Variants in FOXP2 observed in about 807,000 individuals in gnomAD.
FOXP2 encodes forkhead box P2.
Under a neutral mutation model 115.8 loss-of-function variants are expected in FOXP2, and 12 were observed. The ratio of observed to expected loss-of-function variants is 0.10; its 90% confidence interval spans 0.07 to 0.17. FOXP2 has a LOEUF of 0.17. Among genes scored for constraint, FOXP2 ranks in the 10% least tolerant of loss-of-function variants. The pLI is 1.00. For missense variants in FOXP2, 629 were observed against 843.5 expected (o/e 0.75, Z 3.15); for synonymous variants, 328 against 297.7 (o/e 1.10, Z -1.05).
intron 1 of FOXP2, among the ~76,000 whole-genome samples, chr7:114,119,820 A>AT (rs1315516030): frequency 2.0e-5 from 3 of 152,160 alleles, no homozygotes; most frequent in Non-Finnish European, 2.9e-5. Context: ...CTTTTAAAAC[A>AT]TTGATATGCT....
chr7:114,481,499 G>A (rs551057190), intron 2 of FOXP2, among the ~76,000 whole-genome samples: 1 of 151,350 alleles, frequency 6.6e-6, no homozygotes, highest in South Asian at 2.1e-4. Flanking sequence ...GGTTAAAATA[G>A]CTTCTGCTAG....
At chr7:114,583,471 C>G (rs916206262) in intron 3 of FOXP2, among the ~76,000 whole-genome samples, 3 of 152,118 alleles carry the variant, frequency 2.0e-5, no homozygotes, top group Admixed American at 2.0e-4. Flanking sequence ...TTCTAACCAG[C>G]TCCACCCAAG....
chr7:114,663,812 T>C (rs752018525), intron 15 of FOXP2, among the ~76,000 whole-genome samples: 3 of 152,174 alleles, frequency 2.0e-5, no homozygotes, highest in Admixed American at 6.6e-5. Flanking sequence ...TTATCCAGGC[T>C]GTCATAAATG....
intron 3 of FOXP2, among the ~76,000 whole-genome samples, chr7:114,582,231 T>C (rs1398459069): frequency 2.6e-5 from 4 of 152,162 alleles, no homozygotes; most frequent in Admixed American, 6.6e-5. Flanking sequence ...CCCACTTTCA[T>C]CTGAATTGGG....
intron 3 of FOXP2, among the ~76,000 whole-genome samples, chr7:114,560,627 C>CA (rs530401433): frequency 2.1e-4 from 31 of 150,478 alleles, no homozygotes; most frequent in Non-Finnish European, 3.5e-4. Context: ...CCGCCTCCGC[C>CA]AAAAAAAAGA....
intron 2 of FOXP2, among the ~76,000 whole-genome samples, chr7:114,318,939 T>C (rs536324144): frequency 9.5e-4 from 144 of 152,226 alleles, no homozygotes; most frequent in African/African-American, 3.3e-3. Flanking sequence ...ATTCCAGTAA[T>C]AGGAAAACAA....
At chr7:114,498,756 C>T (rs186619994) in intron 2 of FOXP2, 1 of 677,710 alleles carries the variant, frequency 1.5e-6, no homozygotes, top group East Asian at 2.7e-5. Flanking sequence ...TCAGCAGCAT[C>T]TTATTTAATT....
chr7:114,586,022 G>T (rs1490078523), intron 3 of FOXP2, among the ~76,000 whole-genome samples: 1 of 152,114 alleles, frequency 6.6e-6, no homozygotes, highest in East Asian at 1.9e-4. Context: ...GTGTGTGTGT[G>T]TAGTGTGTAG....
At chr7:114,336,086 T>C (rs944201471) in intron 2 of FOXP2, among the ~76,000 whole-genome samples, 3 of 151,706 alleles carry the variant, frequency 2.0e-5, no homozygotes, top group Non-Finnish European at 4.4e-5. Context: ...GATGCCCCTC[T>C]AGTGATGTTA....
At chr7:114,334,640 A>AG (rs1797797005) in intron 2 of FOXP2, among the ~76,000 whole-genome samples, 1 of 95,318 alleles carries the variant, frequency 1.0e-5, no homozygotes, top group Non-Finnish European at 2.4e-5. Flanking sequence ...AAAAAGAAGA[A>AG]GGAAAAAAAA....
rs756945510 is a variant in FOXP2 at position 114,690,579 on chromosome 7, A to T, written c.*653A>T. The T allele has an allele frequency of 2.2e-6, 1 of 454,122 alleles. No individual in the cohort carries two copies. Among genetic ancestry groups the T allele is most frequent in the South Asian group, 1.6e-5 (1 of 64,480 alleles). The allele number at this position is 454,122 out of a possible 1,614,324, so 28.1% of individuals were successfully genotyped here. On this transcript the variant is annotated 3_prime_UTR_variant, in exon 17 of 17. Transcript: ENST00000350908. ...CAACCATCTAAAACCTTAGGCTTCC[A>T]GTCTGTGCTGTTAGTGTTAAGATGT...
At chr7:114,355,158 A>C (rs1006263356) in intron 2 of FOXP2, among the ~76,000 whole-genome samples, 3 of 152,156 alleles carry the variant, frequency 2.0e-5, no homozygotes, top group African/African-American at 7.2e-5. Context: ...ATTTAGGGAA[A>C]TAAAAATAAT....
chr7:114,252,318 G>C (rs561564585), intron 1 of FOXP2, among the ~76,000 whole-genome samples: 34 of 152,228 alleles, frequency 2.2e-4, no homozygotes, highest in African/African-American at 8.2e-4. Flanking sequence ...AAATGACTTA[G>C]GGAGGATTCC....
intron 2 of FOXP2, among the ~76,000 whole-genome samples, chr7:114,321,359 C>A (rs1459612051): frequency 6.6e-6 from 1 of 151,770 alleles, no homozygotes; most frequent in Admixed American, 6.6e-5. Context: ...CCACCACGCC[C>A]GGCTAATTTT....
At chr7:114,366,037 T>C (rs1448991204) in intron 2 of FOXP2, among the ~76,000 whole-genome samples, 1 of 152,122 alleles carries the variant, frequency 6.6e-6, no homozygotes, top group Non-Finnish European at 1.5e-5. Flanking sequence ...AAAAATCTAA[T>C]TACTTTCACC....
At chr7:114,372,337 A>G (rs1584673905) in intron 2 of FOXP2, among the ~76,000 whole-genome samples, 1 of 152,210 alleles carries the variant, frequency 6.6e-6, no homozygotes, top group East Asian at 1.9e-4. Context: ...GTTTTTTCAT[A>G]GATAGGGTAA....
chr7:114,275,997 G>T (rs766550317), intron 1 of FOXP2, among the ~76,000 whole-genome samples: 1 of 152,162 alleles, frequency 6.6e-6, no homozygotes, highest in Non-Finnish European at 1.5e-5. Context: ...TCTCTTAAAT[G>T]GAAGGCAAGA....
chr7:114,639,679 A>G (rs1805419626), intron 6 of FOXP2, among the ~76,000 whole-genome samples: 1 of 152,122 alleles, frequency 6.6e-6, no homozygotes, highest in Non-Finnish European at 1.5e-5. Context: ...TGTGGGAACA[A>G]CCAGAGCAAA....
intron 2 of FOXP2, among the ~76,000 whole-genome samples, chr7:114,342,921 G>C: frequency 6.6e-6 from 1 of 151,510 alleles, no homozygotes; most frequent in South Asian, 2.1e-4. Flanking sequence ...ACACTCTTTA[G>C]AGAAGAAATG....
Sources: allele counts gnomAD v4.1 joint callset (sites outside exome capture counted in the v4.1 genomes callset), GRCh38; gene constraint gnomAD v4.1.1; transcripts MANE v1.5; gene names NCBI Gene and HGNC (gene_info 2026-07-23, HGNC 2026-07-21).